Variants in PPM1K observed in about 807,000 individuals in gnomAD.
PPM1K encodes the protein protein phosphatase, Mg2+/Mn2+ dependent 1K.
In PPM1K, 19 loss-of-function variants were observed where a neutral mutation model predicts 32.6. The observed-to-expected ratio is 0.58, with a 90% CI of 0.41 to 0.86. The LOEUF is 0.86. Among genes scored for constraint, PPM1K ranks in the 40% least tolerant of loss-of-function variants. The pLI is 0.00. For synonymous variants in PPM1K, 159 were observed against 165.3 expected (o/e 0.96, Z 0.29); for missense variants, 362 against 461.2 (o/e 0.78, Z 1.97).
chr4:88,273,811 C>T (rs973551006), intron 3 of PPM1K, among the ~76,000 whole-genome samples: 2 of 152,102 alleles, frequency 1.3e-5, no homozygotes, highest in Admixed American at 6.5e-5. Context: ...GAGAACCCAT[C>T]TGCATAATAA....
intron 6 of PPM1K, 92 bp downstream of exon 6, chr4:88,264,908 AT>A: frequency 7.6e-7 from 1 of 1,322,132 alleles, no homozygotes; most frequent in Non-Finnish European, 1.0e-6. Flanking sequence ...CAAGTGTAAA[AT>A]TCACTGCAAC....
At chr4:88,282,102 G>C (rs1732037226) in intron 1 of PPM1K, among the ~76,000 whole-genome samples, 1 of 152,174 alleles carries the variant, frequency 6.6e-6, no homozygotes, top group African/African-American at 2.4e-5. Flanking sequence ...AACTAAGAGA[G>C]AGAAGGAATC....
In PPM1K at chr4:88,278,282, A is replaced by G. The variant is rs1192260170; in HGVS notation, c.302T>C (p.Ile101Thr). The G allele has an allele frequency of 6.2e-7, 1 of 1,614,154 alleles. No homozygotes were observed. Among genetic ancestry groups the G allele is most frequent in the Admixed American group, 1.7e-5 (1 of 60,016 alleles). Reference protein sequence around the residue: ...SLENVGCASQIGKRKENEDRF... With the variant: ...SLENVGCASQTGKRKENEDRF... ...ATCTTCATTCTCTTTCCGTTTGCCAATCTGTGAGGCGCACCCCACATTTTC... is the reference window on the plus strand; with the variant it reads ...ATCTTCATTCTCTTTCCGTTTGCCAGTCTGTGAGGCGCACCCCACATTTTC... Residue 101 changes from isoleucine to threonine, a missense_variant, in exon 2 of 7, where the codon ATT (isoleucine) becomes ACT (threonine). By Grantham distance (89) the Ile-to-Thr change is moderately conservative. Coordinates refer to ENST00000608933, the MANE Select transcript of PPM1K (RefSeq NM_152542.5). The surrounding 1 kb of genome is among the most constrained non-coding windows in gnomAD (Gnocchi z 4.2).
rs1446472731 is a variant in PPM1K at position 88,274,956 on chromosome 4, A to G, written c.541+2187T>C. Reference sequence around the variant, plus strand: ...CAAAATAAGATTTTAATAACAAATAACAAATTTAATAACAAAATAAGATTT... The same window carrying G: ...CAAAATAAGATTTTAATAACAAATAGCAAATTTAATAACAAAATAAGATTT... On this transcript the variant is annotated intron_variant, in intron 3 of 6. Coordinates refer to ENST00000608933, the MANE Select transcript of PPM1K (RefSeq NM_152542.5). The G allele has an allele frequency of 2.8e-5, 11 of 387,828 alleles. No homozygotes were observed. In the East Asian group the frequency reaches 1.6e-3, roughly 57 times the overall value. 24.0% of individuals were successfully genotyped at this position (387,828 alleles called of 1,614,324 possible). A position where few individuals can be genotyped will look rare whatever the true frequency, so the allele number is the denominator to read the frequency against.
intron 3 of PPM1K, chr4:88,276,120 A>G (rs886977052): frequency 2.0e-6 from 2 of 985,250 alleles, no homozygotes; most frequent in Non-Finnish European, 2.4e-6. Flanking sequence ...AAGAGAGATA[A>G]TGCTGGTGGT....
At chr4:88,276,718 C>T in intron 3 of PPM1K, 1 of 870,244 alleles carries the variant, frequency 1.1e-6, no homozygotes. Context: ...TGGACAATGA[C>T]TGTCCTCGCT....
chr4:88,276,265 CT>C (rs1731763988), intron 3 of PPM1K: 1 of 985,244 alleles, frequency 1.0e-6, no homozygotes, highest in Admixed American at 6.1e-5. Flanking sequence ...CTGTGGTGCA[CT>C]TGGTTTCTTT....
In PPM1K at chr4:88,278,527, C is replaced by T; in HGVS notation, c.57G>A (p.Arg19=). Residue 19 remains arginine (R), a synonymous_variant, in exon 2 of 7, where the codon AGG becomes AGA. Transcript: ENST00000608933. This position sits in a 1 kb window ranked among gnomAD's most constrained non-coding sequence, Gnocchi z 4.2. ...LVRSGGNQVR[R]RVLLSSRLLQ... ...GCAGGCGGGAGCTTAGCAGCACTCT[C>T]CTTCTCACCTGGTTCCCACCACTTC... The T allele has an allele frequency of 6.2e-7, 1 of 1,614,106 alleles. No individual in the cohort carries two copies. Among genetic ancestry groups the T allele is most frequent in the South Asian group, 1.1e-5 (1 of 91,060 alleles).
chr4:88,259,686 T>A lies in PPM1K; in HGVS notation c.*2909A>T, dbSNP rs74747614. 4 of 152,322 alleles carry A rather than the reference T, an allele frequency of 2.6e-5. No homozygotes were observed. The highest frequency in any genetic ancestry group is 4.4e-5 in the Non-Finnish European group (3 of 68,030). The allele number at this position is 152,322 out of a possible 1,614,324, so 9.4% of individuals were successfully genotyped here. ...AAAATTCCATTTTAATATTGTGGCA[T>A]GAAAAATACAAACACCAATACAGTA... is the stretch of plus-strand genomic sequence containing the variant. On this transcript the variant is annotated 3_prime_UTR_variant, in exon 7 of 7. Transcript: ENST00000608933.
In PPM1K at chr4:88,260,850, C is replaced by A. The variant is rs1731091990; in HGVS notation, c.*1745G>T. On this transcript the variant is annotated 3_prime_UTR_variant, in exon 7 of 7. Coordinates refer to ENST00000608933, the MANE Select transcript of PPM1K (RefSeq NM_152542.5). ...TTCTGCCACAGAATTCCATGTCATT[C>A]TTAAGATTCAGTATTTTTCTCACAT... is the stretch of plus-strand genomic sequence containing the variant. 6.6e-6 allele frequency: 1 copy of A among 151,886 alleles called. No individual in the cohort carries two copies. Among genetic ancestry groups the A allele is most frequent in the African/African-American group, 2.4e-5 (1 of 41,358 alleles). 9.4% of individuals were successfully genotyped at this position (151,886 alleles called of 1,614,324 possible).
rs936479813 is a variant in PPM1K at position 88,261,111 on chromosome 4, T to G, written c.*1484A>C. On this transcript the variant is annotated 3_prime_UTR_variant, in exon 7 of 7. Coordinates refer to ENST00000608933, the MANE Select transcript of PPM1K (RefSeq NM_152542.5). ...TACTCACACATATAACAAATTTACA[T>G]AGTTTGCAGAAATAAACTACGGAAA... The G allele has an allele frequency of 2.0e-5, 3 of 152,226 alleles. No homozygotes were observed. Among genetic ancestry groups the G allele is most frequent in the Non-Finnish European group, 4.4e-5 (3 of 68,036 alleles). The allele number at this position is 152,226 out of a possible 1,614,324, so 9.4% of individuals were successfully genotyped here.
At chr4:88,276,323 C>G (rs779428353) in intron 3 of PPM1K, 9 of 985,342 alleles carry the variant, frequency 9.1e-6, no homozygotes, top group Non-Finnish European at 1.1e-5. Context: ...AAGATTATTG[C>G]ATGATTCATT....
intron 5 of PPM1K, among the ~76,000 whole-genome samples, chr4:88,267,256 GGGTGATGCTGGCTGATTGGGTGCA>G (rs1731370954): frequency 2.3e-5 from 3 of 132,312 alleles, no homozygotes; most frequent in Non-Finnish European, 4.8e-5. Flanking sequence ...GATTGGGTGT[GGGTGATGCTGGCTGATTGGGTGCA>G]GGTGATGCTG....
chr4:88,281,750 A>G (rs1051681330), intron 1 of PPM1K, among the ~76,000 whole-genome samples: 13 of 152,130 alleles, frequency 8.5e-5, no homozygotes, highest in African/African-American at 2.9e-4. Context: ...TCCCCTCCAT[A>G]TTCCCTAAGA....
rs1441711732 is a variant in PPM1K at position 88,268,886 on chromosome 4, TC to T, written c.561del (p.Thr188LeufsTer5). On this transcript the variant is annotated frameshift_variant, in exon 4 of 7. Coordinates refer to ENST00000608933, the MANE Select transcript of PPM1K (RefSeq NM_152542.5). LOFTEE classifies it high-confidence loss of function. ...LSADATLLTS[G>X]TTATVALLRD... Reference sequence around the variant, plus strand: ...CGCAATAGGGCTACTGTTGCAGTAGTCCCAGAGGTCAGAAGAGTTGCTACAA... The same window carrying T: ...CGCAATAGGGCTACTGTTGCAGTAGTCCAGAGGTCAGAAGAGTTGCTACAA... The T allele has an allele frequency of 6.2e-7, 1 of 1,612,342 alleles. No individual in the cohort carries two copies. Among genetic ancestry groups the T allele is most frequent in the Non-Finnish European group, 8.5e-7 (1 of 1,179,372 alleles).
intron 3 of PPM1K, chr4:88,276,277 C>CT (rs35349888): frequency 1.0e-3 from 1,033 of 985,024 alleles, no homozygotes; most frequent in Non-Finnish European, 1.2e-3. Flanking sequence ...TGGTTTCTTT[C>CT]TTTTTTTTAA....
At chr4:88,264,881 T>A (rs1731246264) in intron 6 of PPM1K, 120 bp downstream of exon 6, 1 of 1,051,580 alleles carries the variant, frequency 9.5e-7, no homozygotes, top group South Asian at 2.1e-5. Flanking sequence ...ATTTTATAAT[T>A]GGAAATATTA....
chr4:88,273,624 T>C (rs1483635529), intron 3 of PPM1K, among the ~76,000 whole-genome samples: 3 of 149,148 alleles, frequency 2.0e-5, no homozygotes, highest in Non-Finnish European at 1.5e-5. Context: ...GAGGTTGCAG[T>C]GAGCTGAAAT....
intron 3 of PPM1K, chr4:88,276,269 GTTTC>G (rs1486277442): frequency 8.1e-6 from 8 of 985,166 alleles, no homozygotes; most frequent in Admixed American, 6.2e-5. Flanking sequence ...GGTGCACTTG[GTTTC>G]TTTCTTTTTT....
Sources: gnomAD v4.1 joint callset for allele counts (sites outside exome capture counted in the v4.1 genomes callset) on GRCh38, gnomAD v4.1.1 for gene constraint, Gnocchi (gnomAD v3.1) non-coding constraint, MANE v1.5 for transcripts, NCBI Gene and HGNC (gene_info 2026-07-23, HGNC 2026-07-21) for gene names.